Variants in SYNE1 observed in about 807,000 individuals in gnomAD.
SYNE1 encodes spectrin repeat containing nuclear envelope protein 1.
SYNE1 carries 616 observed loss-of-function variants against 1,111.0 expected under a neutral mutation model. The observed-to-expected ratio is 0.55, with a 90% confidence interval of 0.52 to 0.59. SYNE1 has a LOEUF of 0.59. Ranked by LOEUF, SYNE1 falls within the 20% of genes least tolerant of loss-of-function variation. SYNE1 has a pLI of 0.00. For missense variants in SYNE1, 10,006 were observed against 10,417.0 expected (o/e 0.96, Z 1.72); for synonymous variants, 3,855 against 3,825.8 (o/e 1.01, Z -0.28).
At chr6:152,543,014 A>T (rs2099279196) in intron 3 of SYNE1, among the ~76,000 whole-genome samples, 2 of 152,138 alleles carry the variant, frequency 1.3e-5, no homozygotes, top group South Asian at 4.1e-4. Context: ...TTAATGTTAT[A>T]CTGTCATAAA....
At chr6:152,252,067 C>T (rs879580073) in intron 104 of SYNE1, among the ~76,000 whole-genome samples, 1 of 151,942 alleles carries the variant, frequency 6.6e-6, no homozygotes, top group Admixed American at 6.6e-5. Flanking sequence ...GTCGGGAGTT[C>T]GAGACCAGCT....
intron 102 of SYNE1, 84 bp from the exon 103 acceptor site, chr6:152,255,830 G>T: frequency 1.4e-6 from 2 of 1,465,790 alleles, no homozygotes; most frequent in Non-Finnish European, 9.5e-7. Flanking sequence ...CCGGTGCAGT[G>T]CTCACACCTG....
At chr6:152,540,128 C>T in intron 3 of SYNE1, 107 bp from the exon 4 acceptor site, 1 of 1,143,616 alleles carries the variant, frequency 8.7e-7, no homozygotes, top group Non-Finnish European at 1.3e-6. Context: ...AAATCGTTTT[C>T]TCATTCATTT....
At chr6:152,508,208 CAT>C (rs2099068144) in intron 8 of SYNE1, among the ~76,000 whole-genome samples, 2 of 152,200 alleles carry the variant, frequency 1.3e-5, no homozygotes, top group Non-Finnish European at 2.9e-5. Context: ...ATCATGGAAT[CAT>C]GTGTTCATTA....
At chr6:152,604,160 A>G (rs981144114) in intron 3 of SYNE1, among the ~76,000 whole-genome samples, 97 of 148,870 alleles carry the variant, frequency 6.5e-4, no homozygotes, top group African/African-American at 2.3e-3. Flanking sequence ...AACCCTTTAT[A>G]TGTGTGTGTG....
At position 152,258,920 on chromosome 6, in the gene SYNE1, T is replaced by C. The variant is rs534000982; in HGVS notation, c.18973-2155A>G. Among the ~76,000 whole-genome samples the C allele has an allele frequency of 2.7e-4, 41 of 152,156 alleles. No individual in the cohort carries two copies. In the East Asian group the frequency reaches 7.4e-3, roughly 27 times the overall value. ...CCACCACATGAAGCTAATTTTTGTA[T>C]TTTTAGTAGAGACAGGATTTCCCCA... On this transcript the variant is annotated intron_variant, in intron 101 of 145. Coordinates refer to ENST00000367255, the MANE Select transcript of SYNE1 (RefSeq NM_182961.4).
intron 95 of SYNE1, among the ~76,000 whole-genome samples, chr6:152,285,102 G>A (rs4870092): frequency 0.19 from 29,033 of 151,786 alleles, 3,445 homozygotes; most frequent in East Asian, 0.46. Context: ...CCTAGTTCAC[G>A]GGTGTCTGCA....
At position 152,419,761 on chromosome 6, in the gene SYNE1, G is replaced by A. The variant is rs779020632; in HGVS notation, c.5268-39C>T. The A allele has an allele frequency of 3.7e-6, 6 of 1,606,812 alleles. No individual in the cohort carries two copies. In the African/African-American group the frequency reaches 6.7e-5, roughly 18 times the overall value. The stretch of plus-strand genomic sequence containing the variant: ...GTATTAAAGTTAAAATGTCCCATAA[G>A]TAAACAGAAAGGATTAATGATGTAT... On this transcript the variant is annotated intron_variant, in intron 39 of 145. Coordinates refer to ENST00000367255, the MANE Select transcript of SYNE1 (RefSeq NM_182961.4).
intron 52 of SYNE1, 80 bp from the exon 53 acceptor site, chr6:152,390,532 G>T (rs1277412715): frequency 1.4e-6 from 2 of 1,418,106 alleles, no homozygotes; most frequent in South Asian, 1.2e-5. Flanking sequence ...TTTTCCATAA[G>T]AATTGAAGTA....
At chr6:152,424,439 C>T (rs2098319716) in intron 39 of SYNE1, among the ~76,000 whole-genome samples, 1 of 152,226 alleles carries the variant, frequency 6.6e-6, no homozygotes, top group South Asian at 2.1e-4. Context: ...GAAAATTGCT[C>T]ACCTTTCAAG....
chr6:152,622,287 G>A (rs1039694848), intron 3 of SYNE1, among the ~76,000 whole-genome samples: 2 of 152,098 alleles, frequency 1.3e-5, no homozygotes, highest in Non-Finnish European at 2.9e-5. Context: ...TTTATTTTAA[G>A]TTTAGGGGTA....
chr6:152,178,885 G>T (rs1277697387), intron 129 of SYNE1, among the ~76,000 whole-genome samples: 1 of 149,778 alleles, frequency 6.7e-6, no homozygotes, highest in African/African-American at 2.5e-5. Context: ...AAGCACTGTG[G>T]AAACAACACT....
At chr6:152,346,692 C>T (rs938670830) in intron 73 of SYNE1, among the ~76,000 whole-genome samples, 2 of 151,942 alleles carry the variant, frequency 1.3e-5, no homozygotes, top group South Asian at 2.1e-4. Context: ...CGCCTGTAGT[C>T]CCAGCTACTC....
chr6:152,141,568 G>T (rs2058560445), intron 138 of SYNE1, among the ~76,000 whole-genome samples: 1 of 151,888 alleles, frequency 6.6e-6, no homozygotes, highest in African/African-American at 2.4e-5. Flanking sequence ...ACCAGGCTGG[G>T]GAACATGGCA....
Position 152,537,682 on chromosome 6 carries a change from A to C in SYNE1, c.129+2278T>G, listed in dbSNP as rs115220590. 4.2e-3 allele frequency among the ~76,000 whole-genome samples: 635 copies of C among 152,286 alleles called. 6 individuals carry two copies. Among genetic ancestry groups the C allele is most frequent in the African/African-American group, 0.014 (567 of 41,576 alleles). ...ACAAAAATAAAAATTCCTATTAAAAAGTGCCCCTAGATATACAATCGTGTC... is the reference window on the plus strand; with the variant it reads ...ACAAAAATAAAAATTCCTATTAAAACGTGCCCCTAGATATACAATCGTGTC... On this transcript the variant is annotated intron_variant, in intron 4 of 145. Transcript: ENST00000367255.
intron 3 of SYNE1, among the ~76,000 whole-genome samples, chr6:152,622,871 A>G (rs930783895): frequency 1.3e-5 from 2 of 152,140 alleles, no homozygotes; most frequent in African/African-American, 4.8e-5. Flanking sequence ...GAACTAATTT[A>G]CACTCCCACC....
At chr6:152,439,718 T>A (rs186286033) in intron 32 of SYNE1, among the ~76,000 whole-genome samples, 1 of 152,264 alleles carries the variant, frequency 6.6e-6, no homozygotes, top group Non-Finnish European at 1.5e-5. Flanking sequence ...ACAAAGGTTT[T>A]CTTGCTAAAG....
chr6:152,176,607 T>C (rs775067816), intron 129 of SYNE1, 47 bp from the exon 130 acceptor site: 3 of 1,570,954 alleles, frequency 1.9e-6, no homozygotes, highest in African/African-American at 1.3e-5. Flanking sequence ...ATATTCTTAA[T>C]ACATCCAGCC....
intron 145 of SYNE1, chr6:152,129,452 T>C (rs67734009): frequency 0.1 from 15,487 of 152,226 alleles, 1,021 homozygotes; most frequent in Non-Finnish European, 0.14. Context: ...TCTCTACTTA[T>C]AGGGGGCTGA....
Sources: gnomAD v4.1 joint callset for allele counts (sites outside exome capture counted in the v4.1 genomes callset) on GRCh38, gnomAD v4.1.1 for gene constraint, MANE v1.5 for transcripts, NCBI Gene and HGNC (gene_info 2026-07-23, HGNC 2026-07-21) for gene names.